Variants in FARP1 observed in about 807,000 individuals in gnomAD.
FARP1 encodes the protein FERM, ARHGEF and pleckstrin domain-containing protein 1.
In FARP1, 52 loss-of-function variants were observed where a neutral mutation model predicts 128.8. The ratio of observed to expected loss-of-function variants is 0.40; its 90% CI spans 0.32 to 0.51. FARP1 has a LOEUF of 0.51. Among genes scored for constraint, FARP1 ranks in the 20% least tolerant of loss-of-function variants. The pLI is 0.45. For missense variants in FARP1, 1,333 were observed against 1,367.9 expected, an observed-to-expected ratio of 0.97 and a Z score of 0.40; for synonymous variants, 580 against 551.8, an observed-to-expected ratio of 1.05 and a Z score of -0.72.
intron 2 of FARP1, among the ~76,000 whole-genome samples, chr13:98,343,090 A>C (rs1291079360): frequency 2.6e-5 from 4 of 152,284 alleles, no homozygotes; most frequent in Admixed American, 2.6e-4. Flanking sequence ...GGCAGTCTGC[A>C]AAGGCTACGT....
intron 1 of FARP1, among the ~76,000 whole-genome samples, chr13:98,183,517 G>A (rs1160728959): frequency 6.6e-6 from 1 of 152,090 alleles, no homozygotes; most frequent in Non-Finnish European, 1.5e-5. Context: ...ATCCACTTAA[G>A]GGTCCACGCT....
intron 2 of FARP1, among the ~76,000 whole-genome samples, chr13:98,281,602 G>A (rs575159861): frequency 2.8e-4 from 42 of 152,246 alleles, no homozygotes; most frequent in Middle Eastern, 3.4e-3. Flanking sequence ...TAAAAGTGGA[G>A]CATCAAAATG....
At position 98,446,773 on chromosome 13, in the gene FARP1, C is replaced by T; in HGVS notation, c.3012C>T (p.Ser1004=). Residue 1004 remains serine (S), a synonymous_variant, in exon 26 of 27, where the codon TCC becomes TCT. Transcript: ENST00000319562. ...ACGTGTTCAAGCTGCACTTCAAGTC[C>T]CACGTCTACTACTTCAGGGCGGAAA... ...KDYVFKLHFK[S]HVYYFRAESE... is the part of the protein sequence containing the mutation. The T allele has an allele frequency of 6.2e-7, 1 of 1,614,176 alleles. No individual in the cohort carries two copies. Among genetic ancestry groups the T allele is most frequent in the South Asian group, 1.1e-5 (1 of 91,068 alleles).
intron 2 of FARP1, among the ~76,000 whole-genome samples, chr13:98,336,503 C>G (rs1887750853): frequency 6.6e-6 from 1 of 152,154 alleles, no homozygotes. Flanking sequence ...AACTCCTGAC[C>G]TCAGGTGATT....
chr13:98,212,965 A>G (rs148203292), intron 1 of FARP1, among the ~76,000 whole-genome samples: 81 of 152,358 alleles, frequency 5.3e-4, no homozygotes, highest in Non-Finnish European at 3.4e-4. Context: ...ATAATTAAGA[A>G]CAGACTGTAA....
intron 16 of FARP1, among the ~76,000 whole-genome samples, chr13:98,412,300 A>G (rs1891222336): frequency 6.6e-6 from 1 of 152,216 alleles, no homozygotes; most frequent in South Asian, 2.1e-4. Context: ...AAATAAAGAC[A>G]GTCGTTACTT....
intron 26 of FARP1, 40 bp downstream of exon 26, chr13:98,446,857 G>T (rs1327333411): frequency 5.0e-6 from 8 of 1,605,010 alleles, no homozygotes; most frequent in Non-Finnish European, 6.0e-6. Flanking sequence ...CTGCAGAAGA[G>T]GACCCCCTCT....
intron 2 of FARP1, among the ~76,000 whole-genome samples, chr13:98,279,325 C>T (rs7327933): frequency 0.084 from 12,711 of 151,708 alleles, 1,074 homozygotes; most frequent in African/African-American, 0.22. Flanking sequence ...CATTGATTCT[C>T]TTCACTGAGA....
intron 2 of FARP1, among the ~76,000 whole-genome samples, chr13:98,335,084 C>T (rs1209405494): frequency 6.6e-6 from 1 of 152,226 alleles, no homozygotes; most frequent in South Asian, 2.1e-4. Flanking sequence ...TCAAAGAACA[C>T]CTCCATCAGG....
chr13:98,327,930 A>G (rs61970889), intron 2 of FARP1, among the ~76,000 whole-genome samples: 20,640 of 148,550 alleles, frequency 0.14, 1,881 homozygotes, highest in East Asian at 0.3. Context: ...GGCATATTCA[A>G]TAAGCTATGG....
At chr13:98,226,049 T>C (rs183066833) in intron 2 of FARP1, among the ~76,000 whole-genome samples, 30 of 152,314 alleles carry the variant, frequency 2.0e-4, no homozygotes, top group Non-Finnish European at 3.4e-4. Flanking sequence ...AAGTTGACAT[T>C]TGTTGAATTA....
chr13:98,451,845 A>G lies in FARP1; in HGVS notation c.*3528A>G, dbSNP rs1444880443. The G allele has an allele frequency of 6.6e-6, 1 of 152,294 alleles. No homozygotes were observed. Among genetic ancestry groups the G allele is most frequent in the Admixed American group, 6.5e-5 (1 of 15,278 alleles). The allele number at this position is 152,294 out of a possible 1,614,324, so 9.4% of individuals were successfully genotyped here. The stretch of plus-strand genomic sequence containing the variant: ...AAGGTCCCACAGCAAACCAAGAAAA[A>G]CAGACACACTGGCTGCCTGCCTAGC... On this transcript the variant is annotated 3_prime_UTR_variant, in exon 27 of 27. Coordinates refer to ENST00000319562, the MANE Select transcript of FARP1 (RefSeq NM_005766.4).
rs755084592 is a variant in FARP1 at position 98,384,821 on chromosome 13, C to T, written c.588C>T (p.Ile196=). The part of the protein sequence containing the change: ...IPQQDALEDK[I]VEFHHNHIGQ... Reference sequence around the variant, plus strand: ...AGCAAGACGCACTAGAGGACAAAATCGTGGAATTTCACCATAACCACATGT... The same window carrying T: ...AGCAAGACGCACTAGAGGACAAAATTGTGGAATTTCACCATAACCACATGT... Residue 196 remains isoleucine, a synonymous_variant, in exon 7 of 27, where the codon ATC becomes ATT. Transcript: ENST00000319562. The T allele has an allele frequency of 2.0e-5, 33 of 1,611,454 alleles. No individual in the cohort carries two copies. The highest frequency in any genetic ancestry group is 1.6e-4 in the Middle Eastern group (1 of 6,082).
chr13:98,144,487 A>G (rs1397209800), intron 1 of FARP1, among the ~76,000 whole-genome samples: 1 of 152,102 alleles, frequency 6.6e-6, no homozygotes, highest in East Asian at 1.9e-4. Context: ...TGGCCGTTTC[A>G]TTATATTGTT....
intron 2 of FARP1, among the ~76,000 whole-genome samples, chr13:98,299,695 A>G (rs1287173248): frequency 6.6e-6 from 1 of 152,200 alleles, no homozygotes; most frequent in Non-Finnish European, 1.5e-5. Context: ...CCTTAGGAAG[A>G]TGTAATTCTT....
At chr13:98,438,165 C>T (rs769763021) in intron 19 of FARP1, among the ~76,000 whole-genome samples, 12 of 152,074 alleles carry the variant, frequency 7.9e-5, no homozygotes, top group Non-Finnish European at 1.3e-4. Context: ...AGTGTACAGC[C>T]CCGGGGAGGA....
intron 1 of FARP1, among the ~76,000 whole-genome samples, chr13:98,184,234 C>T (rs1213711512): frequency 2.0e-5 from 3 of 151,912 alleles, no homozygotes; most frequent in Non-Finnish European, 4.4e-5. Context: ...TCTCCTGCCT[C>T]AGCCTCCCAA....
intron 1 of FARP1, among the ~76,000 whole-genome samples, chr13:98,147,799 G>C (rs1204030600): frequency 6.8e-6 from 1 of 148,106 alleles, no homozygotes; most frequent in Non-Finnish European, 1.5e-5. Context: ...TGTGACTACA[G>C]ACACATGCCA....
chr13:98,258,767 T>A (rs1260003830), intron 2 of FARP1, among the ~76,000 whole-genome samples: 1 of 152,160 alleles, frequency 6.6e-6, no homozygotes, highest in Non-Finnish European at 1.5e-5. Flanking sequence ...GACATCTAAT[T>A]TCTTACCCTC....
Sources: gnomAD v4.1 joint callset for allele counts (sites outside exome capture counted in the v4.1 genomes callset) on GRCh38, gnomAD v4.1.1 for gene constraint, MANE v1.5 for transcripts, NCBI Gene and HGNC (gene_info 2026-07-23, HGNC 2026-07-21) for gene names.